The following USO1 variants were observed in gnomAD, a reference collection of about 807,000 sequenced individuals.
USO1 encodes the protein USO1 vesicle transport factor.
In USO1, 57 loss-of-function variants were observed where a neutral mutation model predicts 124.5. The ratio of observed to expected loss-of-function variants is 0.46; its 90% CI spans 0.37 to 0.57. USO1 has a LOEUF of 0.57. USO1 is among the 20% of genes least tolerant of loss of function. The pLI is 0.00. For synonymous variants in USO1, 369 were observed against 362.8 expected (o/e 1.02, Z -0.19); for missense variants, 900 against 1,040.6 (o/e 0.86, Z 1.86).
chr4:75,766,099 G>A (rs1363614990), intron 4 of USO1, among the ~76,000 whole-genome samples: 2 of 152,078 alleles, frequency 1.3e-5, no homozygotes, highest in Non-Finnish European at 2.9e-5. Context: ...AAAATACAGT[G>A]AATTTACTTT....
intron 9 of USO1, among the ~76,000 whole-genome samples, chr4:75,783,196 T>C (rs1473349859): frequency 6.6e-6 from 1 of 152,196 alleles, no homozygotes; most frequent in Non-Finnish European, 1.5e-5. Context: ...AAACCTGCTT[T>C]CTTCACTTAG....
intron 10 of USO1, among the ~76,000 whole-genome samples, chr4:75,788,021 A>C (rs1013706559): frequency 2.0e-5 from 3 of 151,868 alleles, no homozygotes; most frequent in African/African-American, 4.8e-5. Flanking sequence ...CAGACCCTCC[A>C]TTCTCCTACT....
intron 11 of USO1, 78 bp from the exon 12 acceptor site, chr4:75,790,565 A>G: frequency 6.6e-7 from 1 of 1,516,382 alleles, no homozygotes; most frequent in Non-Finnish European, 8.8e-7. Context: ...TTCTTCAATC[A>G]ACAAAAATGA....
intron 11 of USO1, 133 bp downstream of exon 11, chr4:75,790,371 G>A: frequency 7.9e-7 from 1 of 1,263,456 alleles, no homozygotes; most frequent in Non-Finnish European, 1.1e-6. Context: ...TATCTGACAA[G>A]ATAAATGATA....
intron 1 of USO1, among the ~76,000 whole-genome samples, chr4:75,729,279 G>A (rs764758826): frequency 6.6e-6 from 1 of 151,792 alleles, no homozygotes; most frequent in Non-Finnish European, 1.5e-5. Context: ...GGGACTTCAT[G>A]CTTTTGAATG....
intron 4 of USO1, among the ~76,000 whole-genome samples, chr4:75,761,474 A>G (rs1306703742): frequency 1.3e-5 from 2 of 152,222 alleles, no homozygotes; most frequent in Non-Finnish European, 2.9e-5. Flanking sequence ...GTATGTATAC[A>G]TATATTTTTT....
At chr4:75,751,066 A>G (rs1298120069) in intron 1 of USO1, among the ~76,000 whole-genome samples, 1 of 151,930 alleles carries the variant, frequency 6.6e-6, no homozygotes, top group Non-Finnish European at 1.5e-5. Context: ...CAAAGAATGT[A>G]TTACAATTGT....
At chr4:75,812,064 G>A in intron 22 of USO1, 96 bp from the exon 23 acceptor site, 1 of 1,521,824 alleles carries the variant, frequency 6.6e-7, no homozygotes, top group Non-Finnish European at 8.8e-7. Flanking sequence ...GGTTGAACAA[G>A]TACAGTGATT....
rs1560452372 is a variant in USO1 at position 75,782,809 on chromosome 4, A to G, written c.806A>G (p.Asn269Ser). 6.2e-7 allele frequency: 1 copy of G among 1,607,540 alleles called. No individual in the cohort carries two copies. The highest frequency in any genetic ancestry group is 2.2e-5 in the East Asian group (1 of 44,700). ...MKPWFEVGDE[N>S]SGWSAQKVTN... ...CCTTGGTTTGAAGTTGGAGATGAAA[A>G]TTCTGGCTGGTCTGCACAGAAAGTG... Residue 269 changes from asparagine (N) to serine (S), a missense_variant, in exon 9 of 24, where the codon AAT becomes AGT. Asn to Ser is a conservative substitution (Grantham distance 46, BLOSUM62 1). Coordinates refer to ENST00000514213, the MANE Select transcript of USO1 (RefSeq NM_003715.4).
chr4:75,771,163 C>G (rs879215555), intron 7 of USO1, 26 bp downstream of exon 7: 1 of 1,578,050 alleles, frequency 6.3e-7, no homozygotes, highest in Non-Finnish European at 8.6e-7. Flanking sequence ...AAAAGAAATA[C>G]AAAAATATGT....
In USO1 at chr4:75,743,059, A is replaced by C. The variant is rs1238864003; in HGVS notation, c.67-9314A>C. ...GAGTGCAGTGGCACGATCTCGGCTCACTGCAGGCTCCACCTCCCGGGTTCA... is the reference window on the plus strand; with the variant it reads ...GAGTGCAGTGGCACGATCTCGGCTCCCTGCAGGCTCCACCTCCCGGGTTCA... On this transcript the variant is annotated intron_variant, in intron 1 of 23. Transcript: ENST00000514213. Among the ~76,000 whole-genome samples the C allele has an allele frequency of 5.4e-5, 8 of 148,032 alleles. No individual in the cohort carries two copies. In the Admixed American group the frequency reaches 5.5e-4, roughly 10 times the overall value.
At chr4:75,755,346 T>G (rs1369442963) in intron 3 of USO1, 1 of 446,658 alleles carries the variant, frequency 2.2e-6, no homozygotes, top group Non-Finnish European at 4.5e-6. Flanking sequence ...ATTATTTTCC[T>G]CCAGTCTCTT....
rs567993720 is a variant in USO1, at chr4:75,762,129, T to C, written c.295+4556T>C. 2.6e-5 allele frequency among the ~76,000 whole-genome samples: 4 copies of C among 151,970 alleles called. No homozygotes were observed. In the South Asian group the frequency reaches 8.3e-4, roughly 32 times the overall value. On this transcript the variant is annotated intron_variant, in intron 4 of 23. Coordinates refer to ENST00000514213, the MANE Select transcript of USO1 (RefSeq NM_003715.4). Reference sequence around the variant, plus strand: ...GGAAGCCCAGAGATGATGTAACTTATATGGTATCACTGAGTAAGTAGAAGA... The same window carrying C: ...GGAAGCCCAGAGATGATGTAACTTACATGGTATCACTGAGTAAGTAGAAGA...
At chr4:75,803,649 CAAAAAAAAAAAA>C (rs540083885) in intron 17 of USO1, among the ~76,000 whole-genome samples, 1 of 82,406 alleles carries the variant, frequency 1.2e-5, no homozygotes, top group African/African-American at 4.7e-5. Context: ...AACTCCGTCT[CAAAAAAAAAAAA>C]AAGAAAAAAA....
At chr4:75,790,618 G>A (rs758041859) in intron 11 of USO1, 25 bp from the exon 12 acceptor site, 1 of 1,586,676 alleles carries the variant, frequency 6.3e-7, no homozygotes, top group Non-Finnish European at 8.5e-7. Flanking sequence ...GTTTCATTTT[G>A]TTCTTTTCTT....
At chr4:75,755,449 G>T (rs1287640800) in intron 3 of USO1, 1 of 519,728 alleles carries the variant, frequency 1.9e-6, no homozygotes, top group Non-Finnish European at 3.8e-6. Context: ...CACCAGTTCA[G>T]TGAAGTGTGA....
At chr4:75,787,816 G>GTT (rs1281174534) in intron 10 of USO1, among the ~76,000 whole-genome samples, 1 of 151,976 alleles carries the variant, frequency 6.6e-6, no homozygotes. Context: ...AGTAGTTGGG[G>GTT]TTTATATTTT....
chr4:75,740,270 C>G (rs1441181949), intron 1 of USO1, among the ~76,000 whole-genome samples: 1 of 152,136 alleles, frequency 6.6e-6, no homozygotes, highest in African/African-American at 2.4e-5. Flanking sequence ...GAAACTAACC[C>G]TGTATTTTCT....
chr4:75,805,302 T>C lies in USO1; in HGVS notation c.2288T>C (p.Met763Thr), dbSNP rs1442626755. ...GAAAAGGACTCTATGATTGAAAATA[T>C]GGTAAAGTAAATGTTTAAGAAGTTA... Reference protein sequence around the residue: ...LTEKDSMIENMKSSQTSGTNE... With the variant: ...LTEKDSMIENTKSSQTSGTNE... Residue 763 changes from methionine to threonine, a missense_variant and splice_region_variant, in exon 19 of 24, where the codon ATG (methionine) becomes ACG (threonine). By Grantham distance (81) the Met-to-Thr change is moderately conservative. Coordinates refer to ENST00000514213, the MANE Select transcript of USO1 (RefSeq NM_003715.4). The C allele has an allele frequency of 1.9e-6, 3 of 1,592,216 alleles. No homozygotes were observed. Among genetic ancestry groups the C allele is most frequent in the Non-Finnish European group, 2.6e-6 (3 of 1,172,030 alleles).
Sources: gnomAD v4.1 joint callset for allele counts (sites outside exome capture counted in the v4.1 genomes callset) on GRCh38, gnomAD v4.1.1 for gene constraint, MANE v1.5 for transcripts, NCBI Gene and HGNC (gene_info 2026-07-23, HGNC 2026-07-21) for gene names.